The following RGL3 variants were observed in gnomAD, a reference collection of about 807,000 sequenced individuals.
The protein encoded by RGL3 is ral guanine nucleotide dissociation stimulator-like 3.
A neutral mutation model predicts 90.6 loss-of-function variants in RGL3; 85 were observed. The observed-to-expected ratio is 0.94, with a 90% CI of 0.79 to 1.12. RGL3 has a LOEUF of 1.12. Among genes scored for constraint, RGL3 ranks in the 50% most tolerant of loss-of-function variants. The pLI, the probability that RGL3 is intolerant of heterozygous loss-of-function variation, is 0.00. For missense variants in RGL3, 1,034 were observed against 939.2 expected (o/e 1.10, Z -1.32); for synonymous variants, 408 against 385.5 (o/e 1.06, Z -0.68).
At position 11,405,317 on chromosome 19, in the gene RGL3, G is replaced by T. The variant is rs111837185; in HGVS notation, c.1100+6C>A. ...GGGCTGGGGAACAGGTCCCGCCCCA[G>T]CTCACCGGCTCACTGCCCCCCAGCT... On this transcript the variant is annotated splice_donor_region_variant and intron_variant, in intron 8 of 18. Coordinates refer to ENST00000380456, the MANE Select transcript of RGL3 (RefSeq NM_001035223.4). 2.5e-6 allele frequency: 4 copies of T among 1,613,242 alleles called. No individual in the cohort carries two copies. The African/African-American group carries it at 5.3e-5, about 22-fold the overall frequency.
intron 18 of RGL3, among the ~76,000 whole-genome samples, chr19:11,396,505 C>T (rs1178745026): frequency 1.3e-5 from 2 of 151,394 alleles, no homozygotes; most frequent in Non-Finnish European, 2.9e-5. Flanking sequence ...GGGGTCTCCT[C>T]ATGTTGCCCA....
chr19:11,414,432 C>T (rs1305764007), intron 5 of RGL3, among the ~76,000 whole-genome samples: 5 of 79,266 alleles, frequency 6.3e-5, no homozygotes, highest in South Asian at 3.4e-4. Flanking sequence ...TATATATATA[C>T]CTTCATATAT....
intron 18 of RGL3, among the ~76,000 whole-genome samples, chr19:11,395,102 A>AC (rs1968542191): frequency 6.6e-6 from 1 of 151,416 alleles, no homozygotes; most frequent in African/African-American, 2.4e-5. Flanking sequence ...CAAAAAAAAA[A>AC]AAACAAAAAC....
Position 11,416,624 on chromosome 19 carries a change from T to G in RGL3, c.415A>C (p.Lys139Gln). The change falls in exon 4 of 19, where the codon AAG (lysine) becomes CAG (glutamine). Residue 139 changes from lysine to glutamine, a missense_variant. Physicochemically the swap from Lys to Gln is moderately conservative, Grantham distance 53 (BLOSUM62 1). Coordinates refer to ENST00000380456, the MANE Select transcript of RGL3 (RefSeq NM_001035223.4). ...GGATGAAGGACCCACCTCAGGTTCT[T>G]GTTGAAGCTCAGATCTTGTACCGCT... The part of the protein sequence containing the change: ...KTAVQDLSFN[K>Q]NLRAVVSVLG... 6.2e-7 allele frequency: 1 copy of G among 1,614,092 alleles called. No individual in the cohort carries two copies.
rs776939368 is a variant in RGL3, at chr19:11,400,197, C to G, written c.1580+5G>C. 3 of 1,580,850 alleles carry G rather than the reference C, an allele frequency of 1.9e-6. No homozygotes were observed. The South Asian group carries it at 3.5e-5, about 18-fold the overall frequency. On this transcript the variant is annotated splice_donor_5th_base_variant and intron_variant, in intron 14 of 18. Coordinates refer to ENST00000380456, the MANE Select transcript of RGL3 (RefSeq NM_001035223.4). ...CACCGCCCCTACACACACCCCGAGA[C>G]TCACGCACTGAGACGCTTGGTGAGG...
chr19:11,404,917 TTG>T (rs1968742408), intron 9 of RGL3, among the ~76,000 whole-genome samples: 1 of 152,212 alleles, frequency 6.6e-6, no homozygotes, highest in African/African-American at 2.4e-5. Flanking sequence ...TTGTGACTTC[TTG>T]TGTTTTGCTG....
chr19:11,416,216 CTT>C (rs143904966), intron 4 of RGL3, 68 bp from the exon 5 acceptor site: 161,438 of 613,696 alleles, frequency 0.26, 7,151 homozygotes, highest in Admixed American at 0.36. Flanking sequence ...CTCCTGGTAC[CTT>C]TTTTTTTTTT....
chr19:11,406,338 CCTAT>C, intron 7 of RGL3, 77 bp downstream of exon 7: 1 of 1,345,050 alleles, frequency 7.4e-7, no homozygotes, highest in Non-Finnish European at 1.0e-6. Flanking sequence ...TAGACTCGCC[CCTAT>C]CTCTCTCCGG....
intron 5 of RGL3, among the ~76,000 whole-genome samples, chr19:11,408,089 T>G (rs1968812796): frequency 6.6e-6 from 1 of 152,138 alleles, no homozygotes; most frequent in African/African-American, 2.4e-5. Context: ...TGCCTCAGCC[T>G]CCTGAGTTGC....
Position 11,415,972 on chromosome 19 carries a change from C to G in RGL3, c.602G>C (p.Arg201Pro). 1 of 1,613,868 alleles carries G rather than the reference C, an allele frequency of 6.2e-7. No individual in the cohort carries two copies. Among genetic ancestry groups the G allele is most frequent in the Non-Finnish European group, 8.5e-7 (1 of 1,179,948 alleles). ...LLEDFLEEAE[R>P]EQEEEPPQVW... ...CTGAGGCGGCTCCTCTTCCTGCTCT[C>G]GCTCAGCCTCCTCCAAAAAATCTTC... Residue 201 changes from arginine to proline, a missense_variant, in exon 5 of 19, where the codon CGA (arginine) becomes CCA (proline). Transcript: ENST00000380456.
At position 11,416,959 on chromosome 19, in the gene RGL3, A is replaced by G. The variant is rs2144744003; in HGVS notation, c.248T>C (p.Phe83Ser). Reference protein sequence around the residue: ...RLERLVGELVFGDREQDPSFM... With the variant: ...RLERLVGELVSGDREQDPSFM... The stretch of plus-strand genomic sequence containing the variant: ...GCTGGGGTCCTGCTCACGGTCTCCA[A>G]ACACCAACTCTCCCACCAGCCGCTC... Residue 83 changes from phenylalanine (F) to serine (S), a missense_variant, in exon 3 of 19, where the codon TTT becomes TCT. Transcript: ENST00000380456. 1.9e-6 allele frequency: 3 copies of G among 1,614,018 alleles called. No individual in the cohort carries two copies. The highest frequency in any genetic ancestry group is 2.5e-6 in the Non-Finnish European group (3 of 1,179,988).
chr19:11,402,379 AG>A, intron 11 of RGL3, 75 bp downstream of exon 11: 2 of 1,566,176 alleles, frequency 1.3e-6, no homozygotes, highest in South Asian at 2.3e-5. Context: ...GGTAGGATCA[AG>A]GGTGGATATT....
intron 9 of RGL3, 35 bp from the exon 10 acceptor site, chr19:11,402,741 T>G (rs772541832): frequency 3.0e-5 from 48 of 1,588,714 alleles, no homozygotes; most frequent in Non-Finnish European, 3.9e-5. Context: ...AGGTCTGGGG[T>G]CTCCTTGGAC....
chr19:11,404,908 T>C (rs1021741482), intron 9 of RGL3, among the ~76,000 whole-genome samples: 16 of 152,222 alleles, frequency 1.1e-4, no homozygotes, highest in Admixed American at 2.6e-4. Flanking sequence ...ACCTTTTCTT[T>C]GTGACTTCTT....
chr19:11,414,074 G>A (rs1391318941), intron 5 of RGL3, among the ~76,000 whole-genome samples: 3 of 140,196 alleles, frequency 2.1e-5, no homozygotes, highest in African/African-American at 5.3e-5. Context: ...TAGCGACAGG[G>A]GCTAGTGGAT....
intron 7 of RGL3, among the ~76,000 whole-genome samples, chr19:11,405,895 ATT>A (rs57200960): frequency 0.03 from 4,152 of 139,068 alleles, 81 homozygotes; most frequent in African/African-American, 0.055. Flanking sequence ...AATTTTTTTA[ATT>A]TTTTTTTTTT....
chr19:11,406,265 C>T (rs1968776017), intron 7 of RGL3, among the ~76,000 whole-genome samples, 154 bp downstream of exon 7: 1 of 152,138 alleles, frequency 6.6e-6, no homozygotes, highest in Admixed American at 6.6e-5. Flanking sequence ...GGACCCAGAC[C>T]CTCCTCCCTG....
chr19:11,402,092 C>A lies in RGL3; in HGVS notation c.1403G>T (p.Arg468Leu). 1.3e-6 allele frequency: 2 copies of A among 1,595,752 alleles called. No individual in the cohort carries two copies. The highest frequency in any genetic ancestry group is 1.7e-6 in the Non-Finnish European group (2 of 1,171,214). ...ILARIQQLQRRCQSYTLSPHP... is the reference protein window; with the variant it reads ...ILARIQQLQRLCQSYTLSPHP... Reference sequence around the variant, plus strand: ...GGGGCTCAGGGTGTAGCTCTGACAGCGCCTCTGCAGCTGCTGGATGCGGGC... The same window carrying A: ...GGGGCTCAGGGTGTAGCTCTGACAGAGCCTCTGCAGCTGCTGGATGCGGGC... Residue 468 changes from arginine (R) to leucine (L), a missense_variant, in exon 13 of 19, where the codon CGC becomes CTC. Coordinates refer to ENST00000380456, the MANE Select transcript of RGL3 (RefSeq NM_001035223.4).
chr19:11,409,807 C>T (rs571581964), intron 5 of RGL3, among the ~76,000 whole-genome samples: 9 of 152,168 alleles, frequency 5.9e-5, no homozygotes, highest in Non-Finnish European at 1.0e-4. Context: ...GGCAAAGACA[C>T]GGGACAACCT....
Sources: gnomAD v4.1 joint callset for allele counts (sites outside exome capture counted in the v4.1 genomes callset) on GRCh38, gnomAD v4.1.1 for gene constraint, MANE v1.5 for transcripts, NCBI Gene and HGNC (gene_info 2026-07-23, HGNC 2026-07-21) for gene names.